Variants in TIAL1 observed in about 807,000 individuals in gnomAD.
The protein encoded by TIAL1 is nucleolysin TIAR.
In TIAL1, 7 loss-of-function variants were observed where a neutral mutation model predicts 59.7. That is an observed-to-expected ratio of 0.12 (90% CI 0.07 to 0.22). The LOEUF (loss-of-function observed/expected upper bound fraction) is 0.22, where lower values mean the gene tolerates loss of function less well. Among genes scored for constraint, TIAL1 ranks in the 10% least tolerant of loss-of-function variants. The pLI is 1.00. For missense variants in TIAL1, 225 were observed against 462.5 expected (o/e 0.49, Z 4.71); for synonymous variants, 149 against 146.3 (o/e 1.02, Z -0.13).
chr10:119,582,514 T>C lies in TIAL1; in HGVS notation c.173A>G (p.His58Arg). 1 of 1,611,090 alleles carries C rather than the reference T, an allele frequency of 6.2e-7. No homozygotes were observed. The highest frequency in any genetic ancestry group is 8.5e-7 in the Non-Finnish European group (1 of 1,179,080). Residue 58 changes from histidine to arginine, a missense_variant, in exon 3 of 12, where the codon CAC (histidine) becomes CGC (arginine). By Grantham distance (29) the His-to-Arg change is conservative. Coordinates refer to ENST00000436547, the MANE Select transcript of TIAL1 (RefSeq NM_003252.4). The surrounding 1 kb of genome is among the most constrained non-coding windows in gnomAD (Gnocchi z 5.1). ...AGCTAATGCAGCAGCTGCATCTCTG[T>C]GTTCATAAAATTCCACAAAGCAATA... ...DPYCFVEFYE[H>R]RDAAAALAAM... is the part of the protein sequence containing the mutation.
At position 119,582,622 on chromosome 10, in the gene TIAL1, C is replaced by A; in HGVS notation, c.130-65G>T. The A allele has an allele frequency of 1.3e-6, 2 of 1,585,784 alleles. No individual in the cohort carries two copies. Among genetic ancestry groups the A allele is most frequent in the Admixed American group, 1.9e-5 (1 of 53,092 alleles). The stretch of plus-strand genomic sequence containing the variant: ...GCTATCGGGTTGCTGAGAAGAAAAT[C>A]CAGGAAAAAACATTACTGATAGCTG... On this transcript the variant is annotated intron_variant, in intron 2 of 11. Transcript: ENST00000436547. The surrounding 1 kb of genome is among the most constrained non-coding windows in gnomAD (Gnocchi z 5.1).
chr10:119,577,516 T>C lies in TIAL1; in HGVS notation c.672A>G (p.Thr224=). 1.9e-6 allele frequency: 3 copies of C among 1,613,976 alleles called. No homozygotes were observed. The highest frequency in any genetic ancestry group is 2.5e-6 in the Non-Finnish European group (3 of 1,179,906). The change falls in exon 9 of 12, where the codon ACA becomes ACG. Residue 224 remains threonine, a synonymous_variant. Coordinates refer to ENST00000436547, the MANE Select transcript of TIAL1 (RefSeq NM_003252.4). Reference sequence around the variant, plus strand: ...CCATAATTTGTCCAAATGGTGAGAATGTCTGTCTCATAAGCTGATCTATAA... The same window carrying C: ...CCATAATTTGTCCAAATGGTGAGAACGTCTGTCTCATAAGCTGATCTATAA... The part of the protein sequence containing the change: ...SGLTDQLMRQ[T]FSPFGQIMEI...
chr10:119,595,027 A>G (rs1846088376), intron 1 of TIAL1, among the ~76,000 whole-genome samples: 1 of 152,236 alleles, frequency 6.6e-6, no homozygotes, highest in Admixed American at 6.5e-5. Flanking sequence ...CAGGCGTTTC[A>G]TTGAAGCATT....
chr10:119,581,197 T>A (rs1238930480), intron 5 of TIAL1, among the ~76,000 whole-genome samples: 4 of 152,046 alleles, frequency 2.6e-5, no homozygotes, highest in African/African-American at 9.6e-5. Flanking sequence ...AGATAAATTA[T>A]GATAAACATT....
intron 7 of TIAL1, among the ~76,000 whole-genome samples, chr10:119,578,339 C>T (rs187007388): frequency 7.2e-5 from 11 of 151,856 alleles, no homozygotes; most frequent in African/African-American, 2.7e-4. Context: ...TGATTCACAG[C>T]TCCAAAAATA....
intron 5 of TIAL1, 55 bp downstream of exon 5, chr10:119,581,867 A>G (rs556745325): frequency 1.3e-5 from 16 of 1,262,962 alleles, no homozygotes; most frequent in Non-Finnish European, 1.8e-5. Context: ...TTACAAGTTA[A>G]TCATATACAA....
chr10:119,592,869 T>A (rs1338404669), intron 1 of TIAL1, among the ~76,000 whole-genome samples: 1 of 152,186 alleles, frequency 6.6e-6, no homozygotes, highest in African/African-American at 2.4e-5. Context: ...ATAGCCACAG[T>A]ATAGCCAAAT....
intron 5 of TIAL1, among the ~76,000 whole-genome samples, chr10:119,581,508 A>T (rs1845305171): frequency 6.6e-6 from 1 of 152,048 alleles, no homozygotes; most frequent in Admixed American, 6.5e-5. Context: ...ACTCTCCCCC[A>T]TTTATAAATT....
At chr10:119,579,431 A>C (rs1281644128) in intron 6 of TIAL1, among the ~76,000 whole-genome samples, 1 of 152,246 alleles carries the variant, frequency 6.6e-6, no homozygotes, top group Admixed American at 6.5e-5. Context: ...GTTACAGTTA[A>C]TGCAAATGCT....
At position 119,596,527 on chromosome 10, in the gene TIAL1, TG is replaced by T. The variant is rs1846207686; in HGVS notation, c.-63del. 1.2e-4 allele frequency: 5 copies of T among 41,792 alleles called. No homozygotes were observed. The highest frequency in any genetic ancestry group is 2.4e-4 in the Non-Finnish European group (5 of 20,898). The allele number at this position is 41,792 out of a possible 1,614,324, so 2.6% of individuals were successfully genotyped here. On this transcript the variant is annotated 5_prime_UTR_variant, in exon 1 of 12. Coordinates refer to ENST00000436547, the MANE Select transcript of TIAL1 (RefSeq NM_003252.4). ...GGGCAGGGTTGGGGAGGGGAGGGGG[TG>T]GGGAGGAAGGGGAGGGGGGCTCTGG...
At chr10:119,584,172 C>CG (rs34546281) in intron 2 of TIAL1, among the ~76,000 whole-genome samples, 7,599 of 152,140 alleles carry the variant, frequency 0.05, 210 homozygotes, top group Middle Eastern at 0.082. Flanking sequence ...AATGTATGCA[C>CG]GTGCATGTAT....
chr10:119,592,354 A>G (rs1845923207), intron 1 of TIAL1: 1 of 152,190 alleles, frequency 6.6e-6, no homozygotes, highest in Non-Finnish European at 1.5e-5. Flanking sequence ...GTTAAAATCC[A>G]ATTTGGGGCT....
intron 11 of TIAL1, among the ~76,000 whole-genome samples, chr10:119,576,290 C>T (rs1290946968): frequency 2.0e-5 from 3 of 149,884 alleles, no homozygotes; most frequent in Non-Finnish European, 4.4e-5. Context: ...AACCATCAAA[C>T]TTTTGAATAT....
At position 119,573,911 on chromosome 10, in the gene TIAL1, G is replaced by C. The variant is rs1371611579; in HGVS notation, c.*1754C>G. 1 of 152,090 alleles carries C rather than the reference G, an allele frequency of 6.6e-6. No homozygotes were observed. Among genetic ancestry groups the C allele is most frequent in the Non-Finnish European group, 1.5e-5 (1 of 68,002 alleles). The allele number at this position is 152,090 out of a possible 1,614,324, so 9.4% of individuals were successfully genotyped here. On this transcript the variant is annotated 3_prime_UTR_variant, in exon 12 of 12. Transcript: ENST00000436547. ...ATACATTTGGCTATATTGCTAAGTG[G>C]GAAAAGGAGGAAAGTAATACCAAAA...
At chr10:119,577,355 A>G (rs1845053129) in intron 9 of TIAL1, 96 bp downstream of exon 9, 1 of 1,438,452 alleles carries the variant, frequency 7.0e-7, no homozygotes, top group African/African-American at 1.4e-5. Flanking sequence ...ACTGCAAAGA[A>G]GCACTAAAAT....
chr10:119,581,193 A>C (rs987916359), intron 5 of TIAL1, among the ~76,000 whole-genome samples: 2 of 152,044 alleles, frequency 1.3e-5, no homozygotes, highest in African/African-American at 4.8e-5. Context: ...AGAAAGATAA[A>C]TTATGATAAA....
intron 1 of TIAL1, among the ~76,000 whole-genome samples, chr10:119,594,584 C>T (rs1473459677): frequency 6.6e-6 from 1 of 152,180 alleles, no homozygotes; most frequent in Admixed American, 6.5e-5. Flanking sequence ...CACATTGTAA[C>T]TCAACACCAA....
chr10:119,577,572 G>A (rs747119875), intron 8 of TIAL1, 37 bp from the exon 9 acceptor site: 3 of 1,606,656 alleles, frequency 1.9e-6, no homozygotes, highest in Non-Finnish European at 2.6e-6. Context: ...CATGGCTGAT[G>A]TGTATCATGA....
At chr10:119,579,903 T>TA (rs1174162668) in intron 6 of TIAL1, 32 bp downstream of exon 6, 2 of 1,532,078 alleles carry the variant, frequency 1.3e-6, no homozygotes, top group Non-Finnish European at 8.8e-7. Context: ...AATTTAGTAT[T>TA]AAAAAATATA....
Sources: gnomAD v4.1 joint callset for allele counts (sites outside exome capture counted in the v4.1 genomes callset) on GRCh38, gnomAD v4.1.1 for gene constraint, Gnocchi (gnomAD v3.1) non-coding constraint, MANE v1.5 for transcripts, NCBI Gene and HGNC (gene_info 2026-07-23, HGNC 2026-07-21) for gene names.